The following DLGAP2 variants were observed in gnomAD, a reference collection of about 807,000 sequenced individuals.
DLGAP2 encodes DLG associated protein 2.
A neutral mutation model predicts 100.3 loss-of-function variants in DLGAP2; 26 were observed. That is an observed-to-expected ratio of 0.26 (90% CI 0.19 to 0.36). The LOEUF (loss-of-function observed/expected upper bound fraction) is 0.36. Ranked by LOEUF, DLGAP2 falls within the 10% of genes least tolerant of loss-of-function variation. The pLI is 1.00. For synonymous variants in DLGAP2, 886 were observed against 630.1 expected, an observed-to-expected ratio of 1.41 and a Z score of -6.08; for missense variants, 1,858 against 1,453.2, an observed-to-expected ratio of 1.28 and a Z score of -4.53.
At chr8:771,558 A>G (rs969685343) in intron 1 of DLGAP2, among the ~76,000 whole-genome samples, 2 of 152,236 alleles carry the variant, frequency 1.3e-5, no homozygotes, top group Non-Finnish European at 2.9e-5. Context: ...TTGCCAGGGC[A>G]ACTTTCAGTT....
At position 1,566,617 on chromosome 8, in the gene DLGAP2, C is replaced by T. The variant is rs576373875; in HGVS notation, c.1442+723C>T. Among the ~76,000 whole-genome samples the T allele has an allele frequency of 4.6e-5, 7 of 152,292 alleles. 1 individual carries two copies. Among genetic ancestry groups the T allele is most frequent in the African/African-American group, 1.7e-4 (7 of 41,570 alleles). ...GTCCTGGGCAAGTGGATAGGCAGGGCGGAACTGCTTCTCAGCCTTGGCCAG... is the reference window on the plus strand; with the variant it reads ...GTCCTGGGCAAGTGGATAGGCAGGGTGGAACTGCTTCTCAGCCTTGGCCAG... On this transcript the variant is annotated intron_variant, in intron 6 of 14. Transcript: ENST00000637795.
At chr8:783,853 A>G (rs1821765575) in intron 1 of DLGAP2, among the ~76,000 whole-genome samples, 1 of 152,204 alleles carries the variant, frequency 6.6e-6, no homozygotes, top group South Asian at 2.1e-4. Context: ...GACTCTAATC[A>G]ATGGGCGAAA....
intron 5 of DLGAP2, among the ~76,000 whole-genome samples, 200 bp downstream of exon 5, chr8:1,549,883 G>A (rs1801701277): frequency 6.6e-6 from 1 of 152,096 alleles, no homozygotes; most frequent in Non-Finnish European, 1.5e-5. Context: ...TTTTTTGGTG[G>A]GAGCACTTAA....
intron 1 of DLGAP2, among the ~76,000 whole-genome samples, chr8:795,667 T>TCCAGTGAGAGCAGGC (rs1563437537): frequency 0.063 from 1,693 of 26,744 alleles, 3 homozygotes; most frequent in Admixed American, 0.082. Context: ...TGAGAGCAGG[T>TCCAGTGAGAGCAGGC]GTCCAGTGAG....
chr8:1,366,873 A>T (rs1018180906), intron 3 of DLGAP2, among the ~76,000 whole-genome samples: 3 of 152,186 alleles, frequency 2.0e-5, no homozygotes, highest in Non-Finnish European at 4.4e-5. Context: ...AACAGTGTTA[A>T]CATTTACATG....
chr8:1,246,849 C>G (rs1380323805), intron 2 of DLGAP2: 1 of 150,482 alleles, frequency 6.6e-6, no homozygotes, highest in African/African-American at 2.5e-5. Flanking sequence ...ACGTCGGTGG[C>G]CGGGAAGACC....
At chr8:1,328,450 C>T (rs879693725) in intron 3 of DLGAP2, among the ~76,000 whole-genome samples, 13 of 152,220 alleles carry the variant, frequency 8.5e-5, no homozygotes, top group Admixed American at 2.0e-4. Context: ...TCCCGAGTAG[C>T]GGGATTATAG....
At chr8:1,226,671 A>G (rs751506882) in intron 2 of DLGAP2, among the ~76,000 whole-genome samples, 1 of 152,176 alleles carries the variant, frequency 6.6e-6, no homozygotes, top group South Asian at 2.1e-4. Context: ...TCAGAAGATG[A>G]TATAAAAATG....
intron 8 of DLGAP2, among the ~76,000 whole-genome samples, chr8:1,652,518 C>T (rs1798190907): frequency 6.6e-6 from 1 of 152,200 alleles, no homozygotes; most frequent in African/African-American, 2.4e-5. Flanking sequence ...CCACTTGCAA[C>T]TAACCCTGGT....
chr8:1,138,927 T>C (rs1259948000), intron 2 of DLGAP2, among the ~76,000 whole-genome samples: 1 of 152,086 alleles, frequency 6.6e-6, no homozygotes, highest in Non-Finnish European at 1.5e-5. Context: ...TTACTTGTCC[T>C]GGCCTGTGCG....
intron 1 of DLGAP2, among the ~76,000 whole-genome samples, chr8:907,687 G>A (rs757946313): frequency 6.6e-6 from 1 of 152,188 alleles, no homozygotes; most frequent in East Asian, 1.9e-4. Flanking sequence ...TCCCATTCCA[G>A]AAACGGCATA....
intron 3 of DLGAP2, among the ~76,000 whole-genome samples, chr8:1,390,236 A>C (rs1313545270): frequency 5.3e-5 from 8 of 152,096 alleles, no homozygotes; most frequent in African/African-American, 1.9e-4. Context: ...TGAAAACCAG[A>C]TGGGAGCCTC....
chr8:1,481,216 G>A (rs555769645), intron 3 of DLGAP2, among the ~76,000 whole-genome samples: 1 of 150,904 alleles, frequency 6.6e-6, no homozygotes, highest in Admixed American at 6.6e-5. Flanking sequence ...AATGAAAGAA[G>A]GTTGAAGGAG....
intron 6 of DLGAP2, among the ~76,000 whole-genome samples, chr8:1,626,293 C>G (rs796788127): frequency 6.3e-3 from 665 of 106,318 alleles, no homozygotes; most frequent in African/African-American, 7.8e-3. Flanking sequence ...GTTCCCATCT[C>G]TGCCCTGTGG....
chr8:1,309,836 T>G (rs898216698), intron 3 of DLGAP2, among the ~76,000 whole-genome samples: 8 of 152,240 alleles, frequency 5.3e-5, no homozygotes, highest in African/African-American at 1.9e-4. Context: ...GGCTGACGCC[T>G]GTAATCCCAG....
chr8:1,379,701 C>A (rs969071400), intron 3 of DLGAP2: 1 of 152,292 alleles, frequency 6.6e-6, no homozygotes, highest in Admixed American at 6.5e-5. Context: ...CGTCAGGAGC[C>A]CCCAGTGCCG....
chr8:848,739 G>C (rs367916770), intron 1 of DLGAP2, among the ~76,000 whole-genome samples: 8 of 104,184 alleles, frequency 7.7e-5, no homozygotes, highest in Middle Eastern at 6.6e-3. Flanking sequence ...CGTGCGGTGC[G>C]TGTTCCAGTG....
At chr8:1,653,286 G>C (rs1038435529) in intron 8 of DLGAP2, among the ~76,000 whole-genome samples, 2 of 150,904 alleles carry the variant, frequency 1.3e-5, no homozygotes, top group Admixed American at 6.6e-5. Flanking sequence ...ATTGGTTCTT[G>C]GTGCTGGCCC....
At chr8:800,015 C>T (rs560618164) in intron 1 of DLGAP2, among the ~76,000 whole-genome samples, 9 of 152,276 alleles carry the variant, frequency 5.9e-5, no homozygotes, top group South Asian at 4.2e-4. Context: ...ACAGAAGCAG[C>T]GTACCGAGAA....
Sources: allele counts gnomAD v4.1 joint callset (sites outside exome capture counted in the v4.1 genomes callset), GRCh38; gene constraint gnomAD v4.1.1; transcripts MANE v1.5; gene names NCBI Gene and HGNC (gene_info 2026-07-23, HGNC 2026-07-21).